The following GSG1L variants were observed in gnomAD, a reference collection of about 807,000 sequenced individuals.
The protein encoded by GSG1L is GSG1 like.
Under a neutral mutation model 42.1 loss-of-function variants are expected in GSG1L, and 24 were observed. That is an observed-to-expected ratio of 0.57 (90% CI 0.41 to 0.80). The LOEUF is 0.80. Among genes scored for constraint, GSG1L ranks in the 30% least tolerant of loss-of-function variants. GSG1L has a pLI of 0.00. For synonymous variants in GSG1L, 215 were observed against 203.5 expected (o/e 1.06, Z -0.48); for missense variants, 445 against 472.2 (o/e 0.94, Z 0.53).
rs181605225 is a variant in GSG1L at position 28,059,348 on chromosome 16, G to A, written c.349+3728C>T. Reference sequence around the variant, plus strand: ...GCGGTGTGGGGTGTGTTGGCTCCCCGCCTGGGTCCTGCATGGGTCTTCTGG... The same window carrying A: ...GCGGTGTGGGGTGTGTTGGCTCCCCACCTGGGTCCTGCATGGGTCTTCTGG... On this transcript the variant is annotated intron_variant, in intron 1 of 6. Coordinates refer to ENST00000447459, the MANE Select transcript of GSG1L (RefSeq NM_001109763.2). This position sits in a 1 kb window ranked among gnomAD's most constrained non-coding sequence, Gnocchi z 4.4. 4.7e-4 allele frequency among the ~76,000 whole-genome samples: 72 copies of A among 151,990 alleles called. 2 individuals are homozygous for A. In the East Asian group the frequency reaches 0.011, roughly 23 times the overall value.
At chr16:27,822,736 A>T (rs982825633) in intron 5 of GSG1L, among the ~76,000 whole-genome samples, 18 of 152,162 alleles carry the variant, frequency 1.2e-4, no homozygotes, top group African/African-American at 4.1e-4. Flanking sequence ...TTAATAATTA[A>T]TACCGTAATT....
chr16:28,045,984 A>C (rs2086154198), intron 1 of GSG1L, among the ~76,000 whole-genome samples: 1 of 152,200 alleles, frequency 6.6e-6, no homozygotes, highest in Admixed American at 6.5e-5. Flanking sequence ...TGACAGAGCA[A>C]GACTCTTTCT....
chr16:28,061,055 G>A (rs768317991), intron 1 of GSG1L, among the ~76,000 whole-genome samples: 4 of 152,090 alleles, frequency 2.6e-5, no homozygotes, highest in African/African-American at 7.2e-5. Context: ...GGACCACTCC[G>A]GTGCCAGAGA....
intron 3 of GSG1L, among the ~76,000 whole-genome samples, chr16:27,881,922 G>A (rs2083961991): frequency 6.6e-6 from 1 of 151,988 alleles, no homozygotes; most frequent in Non-Finnish European, 1.5e-5. Context: ...GCATCAATAT[G>A]ACTCCTGCAG....
At chr16:27,816,173 T>A (rs963023388) in intron 5 of GSG1L, among the ~76,000 whole-genome samples, 1 of 152,224 alleles carries the variant, frequency 6.6e-6, no homozygotes, top group Non-Finnish European at 1.5e-5. Flanking sequence ...TATGAACTAC[T>A]GTAATGCACT....
chr16:27,916,525 G>A (rs1377480117), intron 2 of GSG1L, among the ~76,000 whole-genome samples: 1 of 123,938 alleles, frequency 8.1e-6, no homozygotes, highest in African/African-American at 3.2e-5. Flanking sequence ...TTCTCATTCT[G>A]TTGCTTAGGC....
At position 27,970,458 on chromosome 16, in the gene GSG1L, G is replaced by C. The variant is rs186212346; in HGVS notation, c.350-7255C>G. On this transcript the variant is annotated intron_variant, in intron 1 of 6. Coordinates refer to ENST00000447459, the MANE Select transcript of GSG1L (RefSeq NM_001109763.2). ...ATGGTGGTGCACCCCTGTAATCCCA[G>C]CTACTTGGGAGGCTGAGGCAGGAGA... Among the ~76,000 whole-genome samples, 37 of 152,016 alleles carry C rather than the reference G, an allele frequency of 2.4e-4. 1 individual carries two copies. The East Asian group carries it at 7.3e-3, about 30-fold the overall frequency.
intron 2 of GSG1L, among the ~76,000 whole-genome samples, chr16:27,942,785 G>A (rs1024179881): frequency 2.0e-5 from 3 of 152,208 alleles, no homozygotes; most frequent in Admixed American, 6.5e-5. Context: ...CAAGGATAGA[G>A]AGATGGGAAT....
intron 3 of GSG1L, among the ~76,000 whole-genome samples, chr16:27,864,747 A>G (rs561431561): frequency 1.3e-5 from 2 of 152,248 alleles, no homozygotes; most frequent in African/African-American, 4.8e-5. Context: ...CCTCGTGTGA[A>G]CTCTCAGGAA....
In GSG1L at chr16:28,023,144, T is replaced by C. The variant is rs533635982; in HGVS notation, c.349+39932A>G. ...ACAGCTGGCCAGTATACATAATTCATAATTTTAAAAGGTTTTTGTTTAAGA... is the reference window on the plus strand; with the variant it reads ...ACAGCTGGCCAGTATACATAATTCACAATTTTAAAAGGTTTTTGTTTAAGA... On this transcript the variant is annotated intron_variant, in intron 1 of 6. Coordinates refer to ENST00000447459, the MANE Select transcript of GSG1L (RefSeq NM_001109763.2). Among the ~76,000 whole-genome samples the C allele has an allele frequency of 2.0e-5, 3 of 152,342 alleles. No homozygotes were observed. The East Asian group carries it at 5.8e-4, about 29-fold the overall frequency.
rs1319376855 is a variant in GSG1L, at chr16:27,969,211, C to T, written c.350-6008G>A. 2.0e-5 allele frequency among the ~76,000 whole-genome samples: 3 copies of T among 152,196 alleles called. No homozygotes were observed. In the East Asian group the frequency reaches 5.8e-4, roughly 29 times the overall value. ...TCACCAGGCTGTGTGACCATCACCA[C>T]AATCAATTTTAAAACGTTTTCATCA... On this transcript the variant is annotated intron_variant, in intron 1 of 6. Transcript: ENST00000447459.
intron 4 of GSG1L, among the ~76,000 whole-genome samples, chr16:27,841,788 G>A (rs1016977074): frequency 6.6e-6 from 1 of 152,180 alleles, no homozygotes; most frequent in African/African-American, 2.4e-5. Flanking sequence ...CCCCGAAGGA[G>A]GGAGCAGAGG....
intron 3 of GSG1L, among the ~76,000 whole-genome samples, chr16:27,848,727 A>G (rs1411296384): frequency 6.6e-6 from 1 of 152,190 alleles, no homozygotes; most frequent in Non-Finnish European, 1.5e-5. Flanking sequence ...GGGGCACTTC[A>G]GCCTGGGTGG....
At chr16:27,848,448 G>A (rs2083467354) in intron 3 of GSG1L, among the ~76,000 whole-genome samples, 1 of 152,206 alleles carries the variant, frequency 6.6e-6, no homozygotes, top group African/African-American at 2.4e-5. Flanking sequence ...GAGAGCACGT[G>A]TCAGGGTCAC....
chr16:27,803,792 TATAG>T (rs1178511091), intron 6 of GSG1L, among the ~76,000 whole-genome samples: 577 of 56,258 alleles, frequency 0.01, 8 homozygotes, highest in African/African-American at 0.029. Context: ...TATATATATA[TATAG>T]ATAGATAGAT....
chr16:27,927,593 T>C (rs555058261), intron 2 of GSG1L, among the ~76,000 whole-genome samples: 3 of 152,196 alleles, frequency 2.0e-5, no homozygotes, highest in Non-Finnish European at 4.4e-5. Context: ...CACAGGGCCT[T>C]TGTACATGCC....
At chr16:27,815,345 G>A (rs1338267441) in intron 5 of GSG1L, among the ~76,000 whole-genome samples, 1 of 152,126 alleles carries the variant, frequency 6.6e-6, no homozygotes, top group Non-Finnish European at 1.5e-5. Flanking sequence ...ATTGTGTGAT[G>A]TACCTGCTCC....
chr16:28,003,268 G>T (rs2085599329), intron 1 of GSG1L, among the ~76,000 whole-genome samples: 2 of 152,248 alleles, frequency 1.3e-5, no homozygotes, highest in South Asian at 4.1e-4. Flanking sequence ...CCACTCACAG[G>T]AGCTTGAGAA....
intron 1 of GSG1L, among the ~76,000 whole-genome samples, chr16:27,974,277 C>T (rs976566034): frequency 9.9e-5 from 15 of 152,248 alleles, no homozygotes; most frequent in African/African-American, 3.1e-4. Context: ...AAAAACGTCA[C>T]GGGAAAGCTG....
Sources: allele counts gnomAD v4.1 joint callset (sites outside exome capture counted in the v4.1 genomes callset), GRCh38; gene constraint gnomAD v4.1.1; non-coding constraint Gnocchi (gnomAD v3.1); transcripts MANE v1.5; gene names NCBI Gene and HGNC (gene_info 2026-07-23, HGNC 2026-07-21).